Variants in GRM1 observed in about 807,000 individuals in gnomAD.
The protein encoded by GRM1 is metabotropic glutamate receptor 1.
A neutral mutation model predicts 90.9 loss-of-function variants in GRM1; 33 were observed. That is an observed-to-expected ratio of 0.36 (90% CI 0.28 to 0.49). The LOEUF is 0.49. Ranked by LOEUF, GRM1 falls within the 20% of genes least tolerant of loss-of-function variation. GRM1 has a pLI of 0.99. For synonymous variants in GRM1, 700 were observed against 613.2 expected (o/e 1.14, Z -2.09); for missense variants, 1,190 against 1,534.3 (o/e 0.78, Z 3.75).
intron 2 of GRM1, among the ~76,000 whole-genome samples, chr6:146,241,706 T>C (rs1583211019): frequency 6.6e-6 from 1 of 152,294 alleles, no homozygotes; most frequent in East Asian, 1.9e-4. Context: ...TTATCCTAAC[T>C]CAGTTTTTTA....
At chr6:146,198,262 A>C (rs1416736134) in intron 2 of GRM1, among the ~76,000 whole-genome samples, 1 of 152,178 alleles carries the variant, frequency 6.6e-6, no homozygotes, top group Non-Finnish European at 1.5e-5. Context: ...GGCGGAGTCT[A>C]TGGTAGTCTA....
intron 3 of GRM1, among the ~76,000 whole-genome samples, chr6:146,308,048 G>C (rs191327631): frequency 4.3e-4 from 66 of 152,318 alleles, no homozygotes; most frequent in Non-Finnish European, 7.5e-4. Context: ...GGAAAGAGCT[G>C]TAAAGCAAAT....
intron 2 of GRM1, among the ~76,000 whole-genome samples, chr6:146,221,879 A>C (rs1483550110): frequency 6.6e-6 from 1 of 152,122 alleles, no homozygotes. Flanking sequence ...CAGACATTGA[A>C]ATTTGTATTT....
chr6:146,088,859 C>T (rs1776629025), intron 1 of GRM1, among the ~76,000 whole-genome samples: 1 of 152,036 alleles, frequency 6.6e-6, no homozygotes, highest in African/African-American at 2.4e-5. Flanking sequence ...GTGCTACATC[C>T]CTAATGTATT....
intron 2 of GRM1, among the ~76,000 whole-genome samples, chr6:146,198,763 G>T (rs567548340): frequency 1.3e-5 from 2 of 152,146 alleles, no homozygotes; most frequent in African/African-American, 2.4e-5. Context: ...CTTGTCCCCA[G>T]TGTACCATTA....
chr6:146,198,654 C>A (rs1272509953), intron 2 of GRM1, among the ~76,000 whole-genome samples: 1 of 152,100 alleles, frequency 6.6e-6, no homozygotes, highest in African/African-American at 2.4e-5. Flanking sequence ...ATCACAAGCA[C>A]CTACTTAAAC....
At chr6:146,140,158 T>TCTCC (rs1776813881) in intron 1 of GRM1, among the ~76,000 whole-genome samples, 2 of 122,026 alleles carry the variant, frequency 1.6e-5, no homozygotes, top group Admixed American at 1.8e-4. Flanking sequence ...TCCTTCTTTC[T>TCTCC]CCTTCCTTCC....
At chr6:146,420,491 G>A (rs1354812896) in intron 7 of GRM1, among the ~76,000 whole-genome samples, 6 of 152,208 alleles carry the variant, frequency 3.9e-5, no homozygotes, top group South Asian at 4.1e-4. Flanking sequence ...GTTGGATTAC[G>A]TTAAGCAGTG....
At chr6:146,390,212 T>C (rs1289587063) in intron 6 of GRM1, among the ~76,000 whole-genome samples, 1 of 152,094 alleles carries the variant, frequency 6.6e-6, no homozygotes, top group Non-Finnish European at 1.5e-5. Context: ...AGTTAGCTAC[T>C]TTTAATATAT....
chr6:146,293,309 T>TA (rs1157433993), intron 2 of GRM1, among the ~76,000 whole-genome samples: 15 of 151,966 alleles, frequency 9.9e-5, no homozygotes, highest in Admixed American at 2.6e-4. Context: ...GAATAATTTT[T>TA]AAAAAAACAA....
intron 1 of GRM1, among the ~76,000 whole-genome samples, chr6:146,127,551 G>A (rs1334572262): frequency 6.6e-6 from 1 of 152,124 alleles, no homozygotes. Context: ...CAGACACGGG[G>A]TGCAATAGAC....
chr6:146,055,031 G>A (rs1030534878), intron 1 of GRM1, among the ~76,000 whole-genome samples: 2 of 151,992 alleles, frequency 1.3e-5, no homozygotes, highest in Admixed American at 6.6e-5. Context: ...TTGGGTTCAC[G>A]CTAAGCTTCC....
intron 3 of GRM1, 23 bp from the exon 4 acceptor site, chr6:146,352,227 G>A (rs138532560): frequency 3.1e-6 from 5 of 1,611,556 alleles, no homozygotes; most frequent in Middle Eastern, 3.3e-4. Context: ...GACCTTGGTA[G>A]TGATCTATTT....
At chr6:146,382,012 G>A (rs371386925) in intron 5 of GRM1, among the ~76,000 whole-genome samples, 1 of 152,102 alleles carries the variant, frequency 6.6e-6, no homozygotes. Context: ...GTGTGTAGCA[G>A]CAGATCACCT....
At chr6:146,368,458 G>A (rs902264493) in intron 5 of GRM1, among the ~76,000 whole-genome samples, 18 of 151,914 alleles carry the variant, frequency 1.2e-4, no homozygotes, top group African/African-American at 4.3e-4. Context: ...CCATATCTTA[G>A]AAGAAAAAGA....
chr6:146,340,812 G>A (rs1471323081), intron 3 of GRM1, among the ~76,000 whole-genome samples: 1 of 152,108 alleles, frequency 6.6e-6, no homozygotes, highest in African/African-American at 2.4e-5. Flanking sequence ...CCAAAGTGCT[G>A]GGATTGCAGG....
At chr6:146,324,375 T>C (rs1427807728) in intron 3 of GRM1, among the ~76,000 whole-genome samples, 3 of 152,142 alleles carry the variant, frequency 2.0e-5, no homozygotes, top group African/African-American at 7.2e-5. Context: ...GCTCCCTGGC[T>C]TCAGCCCCCT....
At chr6:146,334,494 C>G (rs1372563944) in intron 3 of GRM1, among the ~76,000 whole-genome samples, 2 of 152,198 alleles carry the variant, frequency 1.3e-5, no homozygotes, top group African/African-American at 2.4e-5. Context: ...TGCATGGGCA[C>G]AGAACACAAA....
At chr6:146,084,377 G>A (rs879528511) in intron 1 of GRM1, among the ~76,000 whole-genome samples, 4 of 151,882 alleles carry the variant, frequency 2.6e-5, no homozygotes, top group Admixed American at 6.6e-5. Context: ...GGCATTGAGT[G>A]CCATAAATTT....
Sources: allele counts gnomAD v4.1 joint callset (sites outside exome capture counted in the v4.1 genomes callset), GRCh38; gene constraint gnomAD v4.1.1; transcripts MANE v1.5; gene names NCBI Gene and HGNC (gene_info 2026-07-23, HGNC 2026-07-21).